The following PEBP4 variants were observed in gnomAD, a reference collection of about 807,000 sequenced individuals.
PEBP4 encodes the protein phosphatidylethanolamine binding protein 4, also known as phosphatidylethanolamine-binding protein 4.
A neutral mutation model predicts 23.9 loss-of-function variants in PEBP4; 22 were observed. The observed-to-expected ratio is 0.92, with a 90% confidence interval of 0.66 to 1.31. PEBP4 has a LOEUF of 1.31. PEBP4 is among the 40% of genes most tolerant of loss of function. The pLI, the probability that PEBP4 is intolerant of heterozygous loss-of-function variation, is 0.00. For missense variants in PEBP4, 324 were observed against 281.7 expected (o/e 1.15, Z -1.07); for synonymous variants, 112 against 99.3 (o/e 1.13, Z -0.76).
At chr8:22,722,842 A>G (rs1468042605) in intron 6 of PEBP4, among the ~76,000 whole-genome samples, 1 of 150,474 alleles carries the variant, frequency 6.6e-6, no homozygotes, top group Non-Finnish European at 1.5e-5. Flanking sequence ...GCGCGATCTC[A>G]GCTCACTACA....
Position 22,713,512 on chromosome 8 carries a change from AG to A in PEBP4, c.541del (p.Leu181Ter), listed in dbSNP as rs1339862524. 2 of 1,614,088 alleles carry A rather than the reference AG, an allele frequency of 1.2e-6. No homozygotes were observed. The highest frequency in any genetic ancestry group is 3.3e-5 in the Admixed American group (2 of 60,004). ...AGGTTCGCCCAGGTGGAAACGGTTC[AG>A]AAATCTGTCCATTTTCCAAGAGCCT... ...TRGSWKMDRF[L>X]NRFHLGEPEA... On this transcript the variant is annotated frameshift_variant, in exon 7 of 7. Transcript: ENST00000256404. LOFTEE classifies it low-confidence loss of function (END_TRUNC).
intron 4 of PEBP4, among the ~76,000 whole-genome samples, chr8:22,745,206 A>C (rs745545355): frequency 6.6e-6 from 1 of 152,228 alleles, no homozygotes; most frequent in Non-Finnish European, 1.5e-5. Flanking sequence ...GCCTGGGGGC[A>C]GAAAGCTTTT....
intron 1 of PEBP4, among the ~76,000 whole-genome samples, chr8:22,933,943 C>G (rs1210978698): frequency 6.6e-6 from 1 of 152,216 alleles, no homozygotes; most frequent in African/African-American, 2.4e-5. Flanking sequence ...AAGCCTCAGC[C>G]TTTTCCCACT....
chr8:22,827,922 G>T (rs1413222092), intron 3 of PEBP4, among the ~76,000 whole-genome samples: 1 of 152,098 alleles, frequency 6.6e-6, no homozygotes, highest in East Asian at 1.9e-4. Context: ...CATGCTAGTG[G>T]GTGTAAACTG....
chr8:22,748,699 T>G (rs183106900), intron 4 of PEBP4, among the ~76,000 whole-genome samples: 345 of 152,054 alleles, frequency 2.3e-3, no homozygotes, highest in Non-Finnish European at 3.9e-3. Flanking sequence ...GAACAGCTTT[T>G]GGTAGTCTTG....
chr8:22,818,423 C>T (rs1806791445), intron 3 of PEBP4, among the ~76,000 whole-genome samples: 1 of 152,074 alleles, frequency 6.6e-6, no homozygotes, highest in South Asian at 2.1e-4. Flanking sequence ...AAAATAGCTG[C>T]TATGAAGGTC....
At chr8:22,769,018 G>A (rs1476630715) in intron 4 of PEBP4, among the ~76,000 whole-genome samples, 1 of 152,226 alleles carries the variant, frequency 6.6e-6, no homozygotes, top group Non-Finnish European at 1.5e-5. Context: ...CATTTGGGAA[G>A]TGGGGGTCTG....
intron 4 of PEBP4, among the ~76,000 whole-genome samples, chr8:22,748,444 C>T (rs1312904933): frequency 3.3e-5 from 5 of 151,722 alleles, no homozygotes; most frequent in Admixed American, 2.6e-4. Context: ...TGCATCAGAG[C>T]GAAACTGCAT....
intron 3 of PEBP4, among the ~76,000 whole-genome samples, chr8:22,889,722 C>T (rs557071032): frequency 3.3e-5 from 5 of 151,450 alleles, no homozygotes; most frequent in East Asian, 3.9e-4. Flanking sequence ...TTTAAAAGGC[C>T]GGTAAATAAA....
rs528919773 is a variant in PEBP4 at position 22,880,516 on chromosome 8, C to A, written c.258+39668G>T. 5.7e-4 allele frequency: 86 copies of A among 152,182 alleles called. 2 individuals carry two copies. The highest frequency in any genetic ancestry group is 1.5e-3 in the South Asian group (7 of 4,822). 9.4% of individuals were successfully genotyped at this position (152,182 alleles called of 1,614,324 possible). On this transcript the variant is annotated intron_variant, in intron 3 of 6. Transcript: ENST00000256404. ...CGCATTGACTTCTCTTTCAGGGCAG[C>A]TGTTGGTGTACGTGTTTTGTTTCTG...
chr8:22,726,350 G>A (rs1401283209), intron 5 of PEBP4, among the ~76,000 whole-genome samples: 4 of 152,224 alleles, frequency 2.6e-5, no homozygotes, highest in African/African-American at 4.8e-5. Context: ...ACACTCCACC[G>A]TGGGCACACT....
At chr8:22,753,542 A>C (rs189418483) in intron 4 of PEBP4, among the ~76,000 whole-genome samples, 120 of 152,346 alleles carry the variant, frequency 7.9e-4, no homozygotes, top group Middle Eastern at 3.4e-3. Context: ...GGCGTGTTTC[A>C]TGTGGACACA....
chr8:22,858,621 A>G (rs17088652), intron 3 of PEBP4, among the ~76,000 whole-genome samples: 25,054 of 152,186 alleles, frequency 0.16, 2,260 homozygotes, highest in Middle Eastern at 0.23. Flanking sequence ...AGACTTTGAG[A>G]TGACAACTGA....
At chr8:22,715,503 T>C (rs1030154809) in intron 6 of PEBP4, among the ~76,000 whole-genome samples, 2 of 152,144 alleles carry the variant, frequency 1.3e-5, no homozygotes, top group African/African-American at 4.8e-5. Flanking sequence ...CGAGGGGGCC[T>C]TCCCCACCGT....
At chr8:22,929,105 G>A (rs961674246), upstream of PEBP4, among the ~76,000 whole-genome samples, 2 of 152,222 alleles carry the variant, frequency 1.3e-5, no homozygotes, top group African/African-American at 4.8e-5. Flanking sequence ...ATCATTATGA[G>A]AATGAAATCA....
chr8:22,843,709 G>T (rs891225373), intron 3 of PEBP4, among the ~76,000 whole-genome samples: 1 of 152,202 alleles, frequency 6.6e-6, no homozygotes, highest in Non-Finnish European at 1.5e-5. Context: ...CCCCAGACAC[G>T]TGTGTTTTTC....
chr8:22,790,787 T>C (rs1177550362), intron 4 of PEBP4, among the ~76,000 whole-genome samples: 2 of 152,168 alleles, frequency 1.3e-5, no homozygotes, highest in Non-Finnish European at 2.9e-5. Context: ...AAATATCATA[T>C]AAAAAGGGCT....
chr8:22,833,931 C>T (rs1402122006), intron 3 of PEBP4, among the ~76,000 whole-genome samples: 1 of 152,166 alleles, frequency 6.6e-6, no homozygotes, highest in African/African-American at 2.4e-5. Flanking sequence ...AGTCTAATTC[C>T]CCTGAAGTCC....
At chr8:22,935,067 G>A (rs1021984119) in intron 1 of PEBP4, among the ~76,000 whole-genome samples, 3 of 152,188 alleles carry the variant, frequency 2.0e-5, no homozygotes, top group Non-Finnish European at 4.4e-5. Context: ...AGATATAACA[G>A]TTATAAACCT....
Sources: gnomAD v4.1 joint callset for allele counts (sites outside exome capture counted in the v4.1 genomes callset) on GRCh38, gnomAD v4.1.1 for gene constraint, MANE v1.5 for transcripts, NCBI Gene and HGNC (gene_info 2026-07-23, HGNC 2026-07-21) for gene names.